CTRL: variants seen among roughly 807,000 people sequenced by gnomAD.
CTRL encodes chymotrypsin like.
In CTRL, 38 loss-of-function variants were observed where a neutral mutation model predicts 35.5. The observed-to-expected ratio is 1.07, with a 90% confidence interval of 0.83 to 1.40. The LOEUF (loss-of-function observed/expected upper bound fraction) is 1.40. Ranked by LOEUF, CTRL falls within the 40% of genes most tolerant of loss-of-function variation. The pLI, the probability that CTRL is intolerant of heterozygous loss-of-function variation, is 0.00. For missense variants in CTRL, 327 were observed against 342.9 expected (o/e 0.95, Z 0.37); for synonymous variants, 155 against 141.1 (o/e 1.10, Z -0.70).
chr16:67,929,973 C>A lies in CTRL; in HGVS notation c.756G>T (p.Lys252Asn), dbSNP rs753111355. 1 of 1,614,178 alleles carries A rather than the reference C, an allele frequency of 6.2e-7. No individual in the cohort carries two copies. The highest frequency in any genetic ancestry group is 8.5e-7 in the Non-Finnish European group (1 of 1,180,014). Residue 252 changes from lysine (K) to asparagine (N), a missense_variant, in exon 7 of 7, where the codon AAG (lysine) becomes AAT (asparagine). Physicochemically the swap from Lys to Asn is moderately conservative, Grantham distance 94. Coordinates refer to ENST00000574481, the MANE Select transcript of CTRL (RefSeq NM_001907.3). ...TGACCTGGTTGATCCAGGTGCTGAA[C>A]TTGCTAACTCGAGTATACACAGCAG... ...RAPAVYTRVS[K>N]FSTWINQVIA...
rs776220387 is a variant in CTRL at position 67,930,009 on chromosome 16, A to G, written c.720T>C (p.Asn240=). 2.0e-5 allele frequency: 33 copies of G among 1,614,020 alleles called. No individual in the cohort carries two copies. The highest frequency in any genetic ancestry group is 2.6e-5 in the Non-Finnish European group (31 of 1,180,010). ...GAGTATACACAGCAGGTGCGCGCAC[A>G]TTGCAGTTTTTGGTGCCCCAGGAGA... ...GIVSWGTKNC[N]VRAPAVYTRV... is the part of the protein sequence containing the mutation. The change falls in exon 7 of 7, where the codon AAT becomes AAC. Residue 240 remains asparagine (N), a synonymous_variant. Coordinates refer to ENST00000574481, the MANE Select transcript of CTRL (RefSeq NM_001907.3). This position sits in a 1 kb window ranked among gnomAD's most constrained non-coding sequence, Gnocchi z 4.3.
intron 1 of CTRL, 157 bp from the exon 2 acceptor site, chr16:67,931,358 C>A: frequency 1.5e-6 from 1 of 675,542 alleles, no homozygotes; most frequent in Non-Finnish European, 2.6e-6. Flanking sequence ...CCTTCGGGCC[C>A]CACAGCTATC....
rs141530174 is a variant in CTRL, at chr16:67,930,128, G to A, written c.634-33C>T. On this transcript the variant is annotated intron_variant, in intron 6 of 6. Coordinates refer to ENST00000574481, the MANE Select transcript of CTRL (RefSeq NM_001907.3). The surrounding 1 kb of genome is among the most constrained non-coding windows in gnomAD (Gnocchi z 4.3). ...GGAAGAGGGAGGGAGAATTGAGTAG[G>A]GGGGGTTGGGGAGGTATACCACAGG... 2 of 1,613,744 alleles carry A rather than the reference G, an allele frequency of 1.2e-6. No homozygotes were observed. The highest frequency in any genetic ancestry group is 1.7e-6 in the Non-Finnish European group (2 of 1,179,730).
Position 67,930,429 on chromosome 16 carries a change from A to G in CTRL, c.478T>C (p.Trp160Arg). 1.9e-6 allele frequency: 3 copies of G among 1,613,924 alleles called. No individual in the cohort carries two copies. The South Asian group carries it at 3.3e-5, about 18-fold the overall frequency. The change falls in exon 5 of 7, where the codon TGG (tryptophan) becomes CGG (arginine). Residue 160 changes from tryptophan (W) to arginine (R), a missense_variant. Physicochemically the swap from Trp to Arg is moderately radical, Grantham distance 101. Transcript: ENST00000574481. The surrounding 1 kb of genome is among the most constrained non-coding windows in gnomAD (Gnocchi z 4.3). ...TEGLTCVTTG[W>R]GRLSGVGNVT... The stretch of plus-strand genomic sequence containing the variant: ...CTACCCACGCCACTGAGGCGACCCC[A>G]GCCGGTGGTGACACACGTGAGGCCT...
In CTRL at chr16:67,931,141, T is replaced by A. The variant is rs1268191643; in HGVS notation, c.113A>T (p.Glu38Val). 2 of 1,613,990 alleles carry A rather than the reference T, an allele frequency of 1.2e-6. No individual in the cohort carries two copies. The highest frequency in any genetic ancestry group is 2.7e-5 in the African/African-American group (2 of 74,922). The stretch of plus-strand genomic sequence containing the variant: ...GGGCCAGGAGCCCAACACTGCATTC[T>A]CCCCGTTGACAATCCTCTGGCTGAA... ...LSFSQRIVNGENAVLGSWPWQ... is the reference protein window; with the variant it reads ...LSFSQRIVNGVNAVLGSWPWQ... The change falls in exon 2 of 7, where the codon GAG (glutamate) becomes GTG (valine). Residue 38 changes from glutamate to valine, a missense_variant. Transcript: ENST00000574481.
Position 67,930,977 on chromosome 16 carries a change from C to T in CTRL, c.179G>A (p.Cys60Tyr), listed in dbSNP as rs1348750350. The part of the protein sequence containing the change: ...SLQDSSGFHF[C>Y]GGSLISQSWV... ...GGACTGGCTGATGAGAGAACCACCG[C>T]AGAAGTGGAAGCCGCTGCTGTCCTG... Residue 60 changes from cysteine (C) to tyrosine (Y), a missense_variant, in exon 3 of 7, where the codon TGC becomes TAC. Physicochemically the swap from Cys to Tyr is radical, Grantham distance 194. Transcript: ENST00000574481. The surrounding 1 kb of genome is among the most constrained non-coding windows in gnomAD (Gnocchi z 4.3). 5.0e-6 allele frequency: 8 copies of T among 1,613,830 alleles called. No homozygotes were observed. Among genetic ancestry groups the T allele is most frequent in the Admixed American group, 1.7e-5 (1 of 60,002 alleles).
rs1321171516 is a variant in CTRL, at chr16:67,929,843, T to C, written c.*91A>G. 4.2e-6 allele frequency: 6 copies of C among 1,444,442 alleles called. No homozygotes were observed. The African/African-American group carries it at 4.2e-5, about 10-fold the overall frequency. The allele number at this position is 1,444,442 out of a possible 1,614,324, so 89.5% of individuals were successfully genotyped here. A position where few individuals can be genotyped will look rare whatever the true frequency, so the allele number is the denominator to read the frequency against. ...GAGTCGGACCCTCAACAGCCTCTTC[T>C]TTCTCCTGAGCCAGGAAGACAGACA... On this transcript the variant is annotated 3_prime_UTR_variant, in exon 7 of 7. Coordinates refer to ENST00000574481, the MANE Select transcript of CTRL (RefSeq NM_001907.3).
In CTRL at chr16:67,929,641, G is replaced by C; in HGVS notation, c.*293C>G. ...ACGTATCCTCTGTATTCAGTAAACA[G>C]GCTGCCTCTCCAGGGAGGGCTGCCA... On this transcript the variant is annotated 3_prime_UTR_variant, in exon 7 of 7. Transcript: ENST00000574481. 2.2e-6 allele frequency: 1 copy of C among 461,554 alleles called. No homozygotes were observed. The highest frequency in any genetic ancestry group is 3.9e-6 in the Non-Finnish European group (1 of 253,440). 28.6% of individuals were successfully genotyped at this position (461,554 alleles called of 1,614,324 possible). A position where few individuals can be genotyped will look rare whatever the true frequency, so the allele number is the denominator to read the frequency against.
chr16:67,930,433 G>A lies in CTRL; in HGVS notation c.474C>T (p.Thr158=), dbSNP rs771956662. 49 of 1,613,834 alleles carry A rather than the reference G, an allele frequency of 3.0e-5. No homozygotes were observed. Among genetic ancestry groups the A allele is most frequent in the African/African-American group, 1.3e-4 (10 of 74,920 alleles). Residue 158 remains threonine (T), a synonymous_variant, in exon 5 of 7, where the codon ACC becomes ACT. Coordinates refer to ENST00000574481, the MANE Select transcript of CTRL (RefSeq NM_001907.3). This position sits in a 1 kb window ranked among gnomAD's most constrained non-coding sequence, Gnocchi z 4.3. ...CCACGCCACTGAGGCGACCCCAGCC[G>A]GTGGTGACACACGTGAGGCCTTCAG... ...ALTEGLTCVT[T]GWGRLSGVGN... is the part of the protein sequence containing the mutation.
intron 1 of CTRL, chr16:67,931,460 G>A: frequency 1.7e-6 from 1 of 597,146 alleles, no homozygotes; most frequent in Non-Finnish European, 3.0e-6. Flanking sequence ...CTCTACCCCT[G>A]GTCTCTCTGC....
intron 1 of CTRL, 50 bp downstream of exon 1, chr16:67,931,751 G>T: frequency 6.5e-7 from 1 of 1,548,602 alleles, no homozygotes; most frequent in South Asian, 1.2e-5. Flanking sequence ...CTGTTGCTGG[G>T]AGCTGAGTTG....
In CTRL at chr16:67,930,023, T is replaced by C; in HGVS notation, c.706A>G (p.Thr236Ala). The C allele has an allele frequency of 6.2e-7, 1 of 1,614,074 alleles. No individual in the cohort carries two copies. Among genetic ancestry groups the C allele is most frequent in the Non-Finnish European group, 8.5e-7 (1 of 1,180,012 alleles). ...WVLIGIVSWG[T>A]KNCNVRAPAV... The stretch of plus-strand genomic sequence containing the variant: ...GGTGCGCGCACATTGCAGTTTTTGG[T>C]GCCCCAGGAGACAATACCAATAAGC... Residue 236 changes from threonine to alanine, a missense_variant, in exon 7 of 7, where the codon ACC (threonine) becomes GCC (alanine). Physicochemically the swap from Thr to Ala is moderately conservative, Grantham distance 58. Coordinates refer to ENST00000574481, the MANE Select transcript of CTRL (RefSeq NM_001907.3). The surrounding 1 kb of genome is among the most constrained non-coding windows in gnomAD (Gnocchi z 4.3).
chr16:67,929,781 G>T lies in CTRL; in HGVS notation c.*153C>A. On this transcript the variant is annotated 3_prime_UTR_variant, in exon 7 of 7. Coordinates refer to ENST00000574481, the MANE Select transcript of CTRL (RefSeq NM_001907.3). ...AGGAAGAGCCACTGCTACTCAAGGA[G>T]TCACTCAGCCCCTTCTGTGCCAGAA... The T allele has an allele frequency of 1.2e-6, 1 of 852,684 alleles. No homozygotes were observed. Among genetic ancestry groups the T allele is most frequent in the Non-Finnish European group, 1.8e-6 (1 of 557,212 alleles). The allele number at this position is 852,684 out of a possible 1,614,324, so 52.8% of individuals were successfully genotyped here. A position where few individuals can be genotyped will look rare whatever the true frequency, so the allele number is the denominator to read the frequency against.
rs375343088 is a variant in CTRL at position 67,931,129 on chromosome 16, A to G, written c.125T>C (p.Leu42Ser). ...QRIVNGENAV[L>S]GSWPWQVSLQ... ...GGACACCTGCCAGGGCCAGGAGCCC[A>G]ACACTGCATTCTCCCCGTTGACAAT... is the stretch of plus-strand genomic sequence containing the variant. The change falls in exon 2 of 7, where the codon TTG becomes TCG. Residue 42 changes from leucine to serine, a missense_variant. By Grantham distance (145) the Leu-to-Ser change is moderately radical (BLOSUM62 -2). Transcript: ENST00000574481. 1.4e-4 allele frequency: 230 copies of G among 1,613,992 alleles called. No individual in the cohort carries two copies. The highest frequency in any genetic ancestry group is 1.9e-4 in the Non-Finnish European group (220 of 1,180,010).
chr16:67,931,089 G>A lies in CTRL; in HGVS notation c.156+9C>T. On this transcript the variant is annotated intron_variant, in intron 2 of 6. Transcript: ENST00000574481. Reference sequence around the variant, plus strand: ...ACCCAGGACCCTGCCCACCCCTCTGGTGGTGTACCTGCAGGGACACCTGCC... The same window carrying A: ...ACCCAGGACCCTGCCCACCCCTCTGATGGTGTACCTGCAGGGACACCTGCC... 6.2e-7 allele frequency: 1 copy of A among 1,613,710 alleles called. No individual in the cohort carries two copies. The highest frequency in any genetic ancestry group is 8.5e-7 in the Non-Finnish European group (1 of 1,179,732).
In CTRL at chr16:67,931,114, C is replaced by T; in HGVS notation, c.140G>A (p.Trp47Ter). The T allele has an allele frequency of 6.2e-7, 1 of 1,614,034 alleles. No homozygotes were observed. Among genetic ancestry groups the T allele is most frequent in the Non-Finnish European group, 8.5e-7 (1 of 1,179,998 alleles). The change falls in exon 2 of 7, where the codon TGG becomes TAG. Residue 47 changes from tryptophan to a stop codon, truncating the protein, a stop_gained. Coordinates refer to ENST00000574481, the MANE Select transcript of CTRL (RefSeq NM_001907.3). LOFTEE classifies it high-confidence loss of function. ...GENAVLGSWPWQVSLQDSSGF... is the reference protein window; with the variant it reads ...GENAVLGSWP ...GTGGTGTACCTGCAGGGACACCTGC[C>T]AGGGCCAGGAGCCCAACACTGCATT...
rs773443961 is a variant in CTRL at position 67,930,175 on chromosome 16, T to C, written c.633+10A>G. 12 of 1,613,692 alleles carry C rather than the reference T, an allele frequency of 7.4e-6. No homozygotes were observed. Among genetic ancestry groups the C allele is most frequent in the Non-Finnish European group, 1.0e-5 (12 of 1,179,880 alleles). ...CAGGACAGCGCAGAGGAGCGGGTGC[T>C]GGGGCTTACCTGGCACGAGGAGGCA... On this transcript the variant is annotated intron_variant, in intron 6 of 6. Coordinates refer to ENST00000574481, the MANE Select transcript of CTRL (RefSeq NM_001907.3). This position sits in a 1 kb window ranked among gnomAD's most constrained non-coding sequence, Gnocchi z 4.3.
chr16:67,931,392 C>T (rs2058241162), intron 1 of CTRL, 191 bp from the exon 2 acceptor site: 2 of 624,118 alleles, frequency 3.2e-6, no homozygotes, highest in East Asian at 2.7e-5. Context: ...TCCACCCAGT[C>T]CCCCAGCCCT....
Position 67,930,117 on chromosome 16 carries a change from G to A in CTRL, c.634-22C>T, listed in dbSNP as rs1456884314. ...CACCCTGAGAGGGAAGAGGGAGGGA[G>A]AATTGAGTAGGGGGGGTTGGGGAGG... On this transcript the variant is annotated intron_variant, in intron 6 of 6. Transcript: ENST00000574481. This position sits in a 1 kb window ranked among gnomAD's most constrained non-coding sequence, Gnocchi z 4.3. 1 of 1,613,780 alleles carries A rather than the reference G, an allele frequency of 6.2e-7. No individual in the cohort carries two copies. The highest frequency in any genetic ancestry group is 2.2e-5 in the East Asian group (1 of 44,890).
Sources: gnomAD v4.1 joint callset for allele counts on GRCh38, gnomAD v4.1.1 for gene constraint, Gnocchi (gnomAD v3.1) non-coding constraint, MANE v1.5 for transcripts, NCBI Gene and HGNC (gene_info 2026-07-23, HGNC 2026-07-21) for gene names.